The following CSMD1 variants were observed in gnomAD, a reference collection of about 807,000 sequenced individuals.
CSMD1 encodes CUB and sushi domain-containing protein 1.
CSMD1 carries 213 observed loss-of-function variants against 417.5 expected under a neutral mutation model. That is an observed-to-expected ratio of 0.51 (90% CI 0.46 to 0.57). The LOEUF is 0.57. CSMD1 is among the 20% of genes least tolerant of loss of function. CSMD1 has a pLI of 0.00. For synonymous variants in CSMD1, 2,862 were observed against 1,736.8 expected, an observed-to-expected ratio of 1.65 and a Z score of -16.11; for missense variants, 6,923 against 4,529.7, an observed-to-expected ratio of 1.53 and a Z score of -15.17.
chr8:4,371,343 T>A (rs1802384982), intron 3 of CSMD1, among the ~76,000 whole-genome samples: 2 of 152,194 alleles, frequency 1.3e-5, no homozygotes, highest in Admixed American at 1.3e-4. Flanking sequence ...AGTTAAAGTT[T>A]TAAATGCAGG....
rs142332481 is a variant in CSMD1, at chr8:4,156,346, C to G, written c.416-124247G>C. Among the ~76,000 whole-genome samples, 361 of 152,260 alleles carry G rather than the reference C, an allele frequency of 2.4e-3. 4 individuals are homozygous for G. The highest frequency in any genetic ancestry group is 8.4e-3 in the African/African-American group (349 of 41,542). On this transcript the variant is annotated intron_variant, in intron 3 of 69. Transcript: ENST00000635120. ...CGGCCGTGCAAAGTTTATGTTCTCT[C>G]TGGTTTTGATAAAACTTAAATGAAT...
At chr8:4,007,769 T>C (rs796579300) in intron 4 of CSMD1, among the ~76,000 whole-genome samples, 5 of 152,350 alleles carry the variant, frequency 3.3e-5, no homozygotes, top group African/African-American at 1.2e-4. Flanking sequence ...TCATTTGTCT[T>C]TAACAAGTGT....
chr8:4,450,352 G>C (rs956201527), intron 2 of CSMD1, among the ~76,000 whole-genome samples: 6 of 152,150 alleles, frequency 3.9e-5, no homozygotes, highest in Admixed American at 3.3e-4. Flanking sequence ...TAGTAGCCGG[G>C]TGTGGTGGCT....
chr8:4,179,819 A>G (rs1451203204), intron 3 of CSMD1, among the ~76,000 whole-genome samples: 2 of 152,230 alleles, frequency 1.3e-5, no homozygotes, highest in Non-Finnish European at 1.5e-5. Flanking sequence ...CAAAAGACAC[A>G]TGAAAAAATG....
intron 1 of CSMD1, among the ~76,000 whole-genome samples, chr8:4,671,077 C>T (rs1458138703): frequency 1.3e-5 from 2 of 152,196 alleles, no homozygotes; most frequent in Admixed American, 1.3e-4. Flanking sequence ...CAAAGCAGAA[C>T]CCTGCTGGTT....
chr8:4,378,565 C>G (rs954038184), intron 3 of CSMD1, among the ~76,000 whole-genome samples: 8 of 152,182 alleles, frequency 5.3e-5, no homozygotes, highest in African/African-American at 1.7e-4. Flanking sequence ...TAGCTTTGCA[C>G]TGGTCTTCAA....
intron 3 of CSMD1, among the ~76,000 whole-genome samples, chr8:4,350,147 A>T (rs968457810): frequency 6.6e-6 from 1 of 152,108 alleles, no homozygotes; most frequent in African/African-American, 2.4e-5. Flanking sequence ...CAAATCATCA[A>T]ATCTTGATGG....
rs1393832372 is a variant in CSMD1, at chr8:4,594,817, C to A, written c.302+42525G>T. Among the ~76,000 whole-genome samples the A allele has an allele frequency of 2.6e-5, 4 of 152,082 alleles. No homozygotes were observed. The East Asian group carries it at 5.8e-4, about 22-fold the overall frequency. On this transcript the variant is annotated intron_variant, in intron 2 of 69. Coordinates refer to ENST00000635120, the MANE Select transcript of CSMD1 (RefSeq NM_033225.6). Reference sequence around the variant, plus strand: ...CATCATATTTCTGATGTTACCCCCACCTTAATAGATAAGTGTCTAGGACAC... The same window carrying A: ...CATCATATTTCTGATGTTACCCCCAACTTAATAGATAAGTGTCTAGGACAC...
At chr8:3,532,075 C>T (rs1185638841) in intron 10 of CSMD1, among the ~76,000 whole-genome samples, 1 of 152,220 alleles carries the variant, frequency 6.6e-6, no homozygotes. Context: ...ATTAGCTCGT[C>T]TATGAAAGCC....
chr8:4,766,338 G>A (rs945260847), intron 1 of CSMD1, among the ~76,000 whole-genome samples: 5 of 152,146 alleles, frequency 3.3e-5, no homozygotes, highest in African/African-American at 9.7e-5. Context: ...GTGGGGGCCT[G>A]GTGTAAGGTT....
intron 5 of CSMD1, among the ~76,000 whole-genome samples, chr8:3,913,470 G>A (rs1027613892): frequency 3.3e-5 from 5 of 152,140 alleles, no homozygotes; most frequent in African/African-American, 1.2e-4. Context: ...ACTGGAAGAA[G>A]CAAGCCCTTG....
At chr8:3,090,140 C>G (rs1209918440) in intron 48 of CSMD1, among the ~76,000 whole-genome samples, 1 of 151,504 alleles carries the variant, frequency 6.6e-6, no homozygotes, top group Admixed American at 6.6e-5. Context: ...CGGTGAAACC[C>G]CGACTCTACT....
intron 3 of CSMD1, among the ~76,000 whole-genome samples, chr8:4,260,183 G>A (rs1348661995): frequency 6.6e-6 from 1 of 152,136 alleles, no homozygotes; most frequent in African/African-American, 2.4e-5. Flanking sequence ...TGCAAGTATT[G>A]ATTATTATCA....
rs539053271 is a variant in CSMD1 at position 3,966,867 on chromosome 8, C to T, written c.818+31036G>A. 7.9e-4 allele frequency among the ~76,000 whole-genome samples: 120 copies of T among 152,300 alleles called. 1 individual carries two copies. Among genetic ancestry groups the T allele is most frequent in the African/African-American group, 2.5e-3 (105 of 41,566 alleles). Reference sequence around the variant, plus strand: ...ACACTAAGCTCTATTATGCTGCATACAACACACTGGATGTATCAGATTTTC... The same window carrying T: ...ACACTAAGCTCTATTATGCTGCATATAACACACTGGATGTATCAGATTTTC... On this transcript the variant is annotated intron_variant, in intron 5 of 69. Coordinates refer to ENST00000635120, the MANE Select transcript of CSMD1 (RefSeq NM_033225.6).
chr8:3,431,492 C>A (rs1474095661), intron 12 of CSMD1, among the ~76,000 whole-genome samples: 1 of 152,144 alleles, frequency 6.6e-6, no homozygotes, highest in Non-Finnish European at 1.5e-5. Flanking sequence ...CTTGCCGCCT[C>A]CCTGACCCAT....
chr8:4,699,050 T>A (rs1377427506), intron 1 of CSMD1, among the ~76,000 whole-genome samples: 2 of 152,102 alleles, frequency 1.3e-5, no homozygotes, highest in Non-Finnish European at 2.9e-5. Context: ...GTCCACAGTT[T>A]TGGGAAAAAA....
At chr8:4,726,951 T>G (rs1432965731) in intron 1 of CSMD1, among the ~76,000 whole-genome samples, 1 of 152,080 alleles carries the variant, frequency 6.6e-6, no homozygotes, top group East Asian at 1.9e-4. Context: ...CATATGTACT[T>G]AAAAAAAATA....
In CSMD1 at chr8:2,978,735, C is replaced by G. The variant is rs767520533; in HGVS notation, c.8443G>C (p.Glu2815Gln). The G allele has an allele frequency of 6.0e-5, 97 of 1,613,388 alleles. 1 individual carries two copies. The highest frequency in any genetic ancestry group is 7.6e-5 in the Non-Finnish European group (90 of 1,179,722). Residue 2815 changes from glutamate to glutamine, a missense_variant, in exon 55 of 70, where the codon GAG becomes CAG. Physicochemically the swap from Glu to Gln is conservative, Grantham distance 29. Coordinates refer to ENST00000635120, the MANE Select transcript of CSMD1 (RefSeq NM_033225.6). ...ATACTCATTCCATACTCAAAACTCTCAGGGAAGTTCTGTTGCCCGTGACGA... is the reference window on the plus strand; with the variant it reads ...ATACTCATTCCATACTCAAAACTCTGAGGGAAGTTCTGTTGCCCGTGACGA... Reference protein sequence around the residue: ...AIRHGQQNFPESFEYGMSILY... With the variant: ...AIRHGQQNFPQSFEYGMSILY...
At chr8:3,188,088 GTA>G (rs35871841) in intron 35 of CSMD1, 123 bp from the exon 36 acceptor site, 101 of 275,218 alleles carry the variant, frequency 3.7e-4, no homozygotes, top group East Asian at 2.7e-3. Flanking sequence ...ATATGTATAT[GTA>G]TATATATATA....
Sources: gnomAD v4.1 joint callset for allele counts (sites outside exome capture counted in the v4.1 genomes callset) on GRCh38, gnomAD v4.1.1 for gene constraint, MANE v1.5 for transcripts, NCBI Gene and HGNC (gene_info 2026-07-23, HGNC 2026-07-21) for gene names.